Variants in GABBR2 observed in about 807,000 individuals in gnomAD.
The protein encoded by GABBR2 is gamma-aminobutyric acid type B receptor subunit 2.
A neutral mutation model predicts 105.6 loss-of-function variants in GABBR2; 23 were observed. The observed-to-expected ratio is 0.22, with a 90% CI of 0.16 to 0.31. The LOEUF is 0.31. Ranked by LOEUF, GABBR2 falls within the 10% of genes least tolerant of loss-of-function variation. The pLI is 1.00. For missense variants in GABBR2, 734 were observed against 1,245.5 expected (o/e 0.59, Z 6.18); for synonymous variants, 478 against 499.7 (o/e 0.96, Z 0.58).
At chr9:98,441,751 G>A (rs1332503101) in intron 7 of GABBR2, among the ~76,000 whole-genome samples, 1 of 152,114 alleles carries the variant, frequency 6.6e-6, no homozygotes, top group Non-Finnish European at 1.5e-5. Context: ...TGTATAACAT[G>A]GTCAATGTGC....
intron 3 of GABBR2, among the ~76,000 whole-genome samples, chr9:98,505,457 T>C (rs953578965): frequency 6.7e-5 from 10 of 149,302 alleles, no homozygotes; most frequent in African/African-American, 1.2e-4. Flanking sequence ...TGTGTGTGTG[T>C]GCATGTGCGT....
intron 3 of GABBR2, among the ~76,000 whole-genome samples, chr9:98,537,200 A>G (rs958282945): frequency 9.2e-5 from 14 of 152,218 alleles, no homozygotes; most frequent in African/African-American, 3.1e-4. Flanking sequence ...ACAAGGGATT[A>G]CCACTCAGCA....
intron 7 of GABBR2, among the ~76,000 whole-genome samples, chr9:98,442,158 G>T (rs1826043579): frequency 6.6e-6 from 1 of 152,210 alleles, no homozygotes; most frequent in Non-Finnish European, 1.5e-5. Flanking sequence ...CCCTCCTCCC[G>T]ATCAGGGGAA....
chr9:98,360,382 C>A lies in GABBR2; in HGVS notation c.1893+2333G>T, dbSNP rs1466303220. ...GTTACCATAGCAACAGAGGGACAGG[C>A]CAACCCTAAAATAAAAGAAGAAAAG... On this transcript the variant is annotated intron_variant, in intron 13 of 18. Transcript: ENST00000259455. Among the ~76,000 whole-genome samples the A allele has an allele frequency of 2.0e-5, 3 of 152,174 alleles. No individual in the cohort carries two copies. In the East Asian group the frequency reaches 5.8e-4, roughly 29 times the overall value.
At chr9:98,511,927 T>TACC (rs1340244156) in intron 3 of GABBR2, among the ~76,000 whole-genome samples, 2 of 152,188 alleles carry the variant, frequency 1.3e-5, no homozygotes, top group Non-Finnish European at 2.9e-5. Flanking sequence ...ATCATCCTGA[T>TACC]ACCAAAGCCT....
chr9:98,462,373 A>G (rs1272229840), intron 6 of GABBR2, among the ~76,000 whole-genome samples: 1 of 152,248 alleles, frequency 6.6e-6, no homozygotes, highest in East Asian at 1.9e-4. Flanking sequence ...GCCACAGAAT[A>G]GGAGAAGATA....
chr9:98,630,236 T>C (rs950656385), intron 1 of GABBR2, among the ~76,000 whole-genome samples: 2 of 152,188 alleles, frequency 1.3e-5, no homozygotes, highest in Non-Finnish European at 2.9e-5. Flanking sequence ...AGCCCAAATC[T>C]GAAATCAGTC....
intron 12 of GABBR2, among the ~76,000 whole-genome samples, chr9:98,363,300 ACAG>A (rs1800878612): frequency 6.6e-6 from 1 of 152,204 alleles, no homozygotes; most frequent in African/African-American, 2.4e-5. Context: ...AGGAGGAACC[ACAG>A]TAGTAACAAC....
At chr9:98,366,392 C>G (rs559255845) in intron 12 of GABBR2, among the ~76,000 whole-genome samples, 1 of 152,150 alleles carries the variant, frequency 6.6e-6, no homozygotes. Context: ...AAATTTACAC[C>G]TTTACCATAC....
chr9:98,648,155 A>AGATG (rs1342410321), intron 1 of GABBR2, among the ~76,000 whole-genome samples: 1 of 151,206 alleles, frequency 6.6e-6, no homozygotes, highest in African/African-American at 2.4e-5. Flanking sequence ...ATAGATAGAT[A>AGATG]GAGTCTTACT....
intron 3 of GABBR2, among the ~76,000 whole-genome samples, chr9:98,506,290 C>A (rs892091438): frequency 6.6e-6 from 1 of 152,124 alleles, no homozygotes; most frequent in Non-Finnish European, 1.5e-5. Flanking sequence ...TCCCCATGGA[C>A]GTGTCAGCTC....
At chr9:98,693,065 G>A (rs1398233956) in intron 1 of GABBR2, among the ~76,000 whole-genome samples, 2 of 152,140 alleles carry the variant, frequency 1.3e-5, no homozygotes, top group African/African-American at 2.4e-5. Context: ...ATAGATCAGC[G>A]AGTGTTCCTC....
At chr9:98,489,769 G>A (rs1032620113) in intron 4 of GABBR2, among the ~76,000 whole-genome samples, 11 of 151,988 alleles carry the variant, frequency 7.2e-5, no homozygotes, top group Non-Finnish European at 1.0e-4. Flanking sequence ...AGGCAGGGAC[G>A]GAGTCCAACC....
At chr9:98,359,430 C>CA (rs1262715328) in intron 13 of GABBR2, among the ~76,000 whole-genome samples, 1 of 151,462 alleles carries the variant, frequency 6.6e-6, no homozygotes, top group Non-Finnish European at 1.5e-5. Context: ...ACTCTGTCTC[C>CA]AAAAAAATAA....
intron 3 of GABBR2, among the ~76,000 whole-genome samples, chr9:98,511,851 C>A (rs1377220054): frequency 2.0e-5 from 3 of 152,208 alleles, no homozygotes; most frequent in Non-Finnish European, 4.4e-5. Context: ...GGTACCATTC[C>A]TTCTAAAACT....
chr9:98,493,595 C>CT (rs1211386301), intron 4 of GABBR2, among the ~76,000 whole-genome samples: 1 of 152,210 alleles, frequency 6.6e-6, no homozygotes, highest in Non-Finnish European at 1.5e-5. Context: ...CTGCTCTCTA[C>CT]TACCTCCAAT....
At chr9:98,445,840 GA>G (rs1262941320) in intron 7 of GABBR2, among the ~76,000 whole-genome samples, 2 of 152,240 alleles carry the variant, frequency 1.3e-5, no homozygotes, top group Non-Finnish European at 2.9e-5. Flanking sequence ...GCAGCCCTCT[GA>G]AACTGAGCTC....
chr9:98,681,457 G>C (rs1196758162), intron 1 of GABBR2, among the ~76,000 whole-genome samples: 3 of 126,608 alleles, frequency 2.4e-5, no homozygotes, highest in Non-Finnish European at 1.6e-5. Context: ...GGGAGGGGGA[G>C]GGATAGCATT....
At chr9:98,390,701 G>A (rs1041288651) in intron 9 of GABBR2, among the ~76,000 whole-genome samples, 16 of 152,014 alleles carry the variant, frequency 1.1e-4, no homozygotes, top group Non-Finnish European at 2.2e-4. Flanking sequence ...TGGCTCAGGT[G>A]CCTTCTGGCT....
Sources: allele counts gnomAD v4.1 joint callset (sites outside exome capture counted in the v4.1 genomes callset), GRCh38; gene constraint gnomAD v4.1.1; transcripts MANE v1.5; gene names NCBI Gene and HGNC (gene_info 2026-07-23, HGNC 2026-07-21).